Variants in HSD17B3 observed in about 807,000 individuals in gnomAD.
The protein encoded by HSD17B3 is 17-beta-hydroxysteroid dehydrogenase type 3.
In HSD17B3, 29 loss-of-function variants were observed where a neutral mutation model predicts 41.1. That is an observed-to-expected ratio of 0.71 (90% CI 0.53 to 0.96). The LOEUF (loss-of-function observed/expected upper bound fraction) is 0.96. Among genes scored for constraint, HSD17B3 ranks in the 40% least tolerant of loss-of-function variants. The probability of loss-of-function intolerance (pLI) is 0.00; values close to 1 mark genes in which losing one functional copy is unlikely to be tolerated. For synonymous variants in HSD17B3, 126 were observed against 145.6 expected, an observed-to-expected ratio of 0.87 and a Z score of 0.97; for missense variants, 323 against 374.6, an observed-to-expected ratio of 0.86 and a Z score of 1.14.
intron 2 of HSD17B3, among the ~76,000 whole-genome samples, chr9:96,296,077 T>G (rs1169819563): frequency 1.3e-5 from 2 of 152,062 alleles, no homozygotes; most frequent in East Asian, 3.9e-4. Context: ...GGTGAAACCC[T>G]GTCAGTACAA....
intron 2 of HSD17B3, among the ~76,000 whole-genome samples, chr9:96,279,895 A>C (rs1021811296): frequency 4.0e-5 from 6 of 151,834 alleles, no homozygotes; most frequent in Admixed American, 3.3e-4. Context: ...TCAGCCTCCC[A>C]AGTAGCTGGG....
chr9:96,274,565 C>A (rs1275119298), intron 2 of HSD17B3, among the ~76,000 whole-genome samples: 1 of 151,938 alleles, frequency 6.6e-6, no homozygotes, highest in East Asian at 1.9e-4. Context: ...TAAAAACAAC[C>A]AAACAGAAAT....
intron 2 of HSD17B3, among the ~76,000 whole-genome samples, chr9:96,259,601 G>GC (rs1825788067): frequency 6.6e-6 from 1 of 152,024 alleles, no homozygotes; most frequent in Non-Finnish European, 1.5e-5. Context: ...CATGCCTGTA[G>GC]CCCCAGCTAC....
At chr9:96,240,962 C>T in intron 9 of HSD17B3, 55 bp from the exon 10 acceptor site, 2 of 1,607,092 alleles carry the variant, frequency 1.2e-6, no homozygotes, top group Non-Finnish European at 1.7e-6. Flanking sequence ...AGGAAGAAGA[C>T]TCAGAAATTA....
chr9:96,298,541 A>G (rs1827451336), intron 1 of HSD17B3, 79 bp from the exon 2 acceptor site: 3 of 1,244,818 alleles, frequency 2.4e-6, no homozygotes, highest in Non-Finnish European at 3.5e-6. Flanking sequence ...TTTTCTCACA[A>G]GCCTAGTCTC....
intron 2 of HSD17B3, chr9:96,256,274 C>T (rs1825653580): frequency 6.6e-6 from 1 of 152,128 alleles, no homozygotes. Flanking sequence ...TGCTAATGTT[C>T]TCTGTATGGT....
Position 96,245,396 on chromosome 9 carries a change from A to AGAAGAAATGTTCAG in HSD17B3, c.541_554dup (p.Gly186Ter). On this transcript the variant is annotated stop_gained and frameshift_variant, in exon 8 of 11. Coordinates refer to ENST00000375263, the MANE Select transcript of HSD17B3 (RefSeq NM_000197.2). LOFTEE classifies it high-confidence loss of function. ...GAGGCCAAGGAAACAGGGCTATCCC[A>AGAAGAAATGTTCAG]GAAGAAATGTTCAGGATGAGACCTT... 1 of 1,614,170 alleles carries AGAAGAAATGTTCAG rather than the reference A, an allele frequency of 6.2e-7. No homozygotes were observed.
Position 96,235,596 on chromosome 9 carries a change from T to TG in HSD17B3, c.823-27dup, listed in dbSNP as rs35918093. 2.5e-6 allele frequency: 4 copies of TG among 1,585,916 alleles called. No individual in the cohort carries two copies. In the African/African-American group the frequency reaches 5.4e-5, roughly 21 times the overall value. On this transcript the variant is annotated intron_variant, in intron 10 of 10. Transcript: ENST00000375263. ...CTTAAACAGAGAGAAGCATCAGTGT[T>TG]GGGGAGGAAGGAATAACAAGTACCT...
rs774389714 is a variant in HSD17B3, at chr9:96,240,888, A to G, written c.692T>C (p.Val231Ala). ...TAGATACTTTGTCATTGCAGTCGAG[A>G]CAGCATATGGGGTCAGCACCTACAA... is the stretch of plus-strand genomic sequence containing the variant. ...VIIQVLTPYA[V>A]STAMTKYLNT... is the part of the protein sequence containing the mutation. Residue 231 changes from valine to alanine, a missense_variant, in exon 10 of 11, where the codon GTC becomes GCC. Transcript: ENST00000375263. 6 of 1,614,190 alleles carry G rather than the reference A, an allele frequency of 3.7e-6. No homozygotes were observed. Among genetic ancestry groups the G allele is most frequent in the Non-Finnish European group, 4.2e-6 (5 of 1,180,040 alleles).
chr9:96,236,244 T>C (rs1455725083), intron 10 of HSD17B3, among the ~76,000 whole-genome samples: 2 of 151,398 alleles, frequency 1.3e-5, no homozygotes, highest in Non-Finnish European at 2.9e-5. Context: ...GGGCCAGGCA[T>C]GGTGGCTCAC....
At chr9:96,291,899 G>A (rs934303188) in intron 2 of HSD17B3, among the ~76,000 whole-genome samples, 5 of 152,032 alleles carry the variant, frequency 3.3e-5, no homozygotes, top group Non-Finnish European at 1.5e-5. Context: ...AGAGGTTGCA[G>A]TGAACCAAGA....
intron 2 of HSD17B3, among the ~76,000 whole-genome samples, chr9:96,269,823 G>C (rs1046873452): frequency 6.0e-5 from 9 of 148,846 alleles, no homozygotes; most frequent in African/African-American, 2.2e-4. Context: ...AGAATCACCT[G>C]AACCCAGGAG....
chr9:96,291,641 C>A lies in HSD17B3; in HGVS notation c.201+6775G>T, dbSNP rs1246912682. Among the ~76,000 whole-genome samples the A allele has an allele frequency of 2.6e-5, 4 of 152,272 alleles. No individual in the cohort carries two copies. In the East Asian group the frequency reaches 7.7e-4, roughly 29 times the overall value. On this transcript the variant is annotated intron_variant, in intron 2 of 10. Transcript: ENST00000375263. Reference sequence around the variant, plus strand: ...GAGATGACACAGACATTAGAATTATCTGACAAGGTTTGGAGCATAAAAATG... The same window carrying A: ...GAGATGACACAGACATTAGAATTATATGACAAGGTTTGGAGCATAAAAATG...
chr9:96,247,257 C>G (rs1406755623), intron 6 of HSD17B3: 1 of 154,350 alleles, frequency 6.5e-6, no homozygotes, highest in Non-Finnish European at 1.4e-5. Context: ...GAGGCAACCC[C>G]ATGGACTGAA....
intron 5 of HSD17B3, 85 bp downstream of exon 5, chr9:96,251,333 G>T (rs893281855): frequency 1.2e-4 from 132 of 1,128,752 alleles, no homozygotes; most frequent in Non-Finnish European, 1.5e-4. Flanking sequence ...CTTCCATCAC[G>T]CCTTCCCAGG....
intron 2 of HSD17B3, among the ~76,000 whole-genome samples, chr9:96,267,594 T>TA (rs1196041133): frequency 6.6e-6 from 1 of 151,984 alleles, no homozygotes; most frequent in African/African-American, 2.4e-5. Flanking sequence ...TTTTTAATTT[T>TA]AAGAAATTGA....
intron 2 of HSD17B3, among the ~76,000 whole-genome samples, chr9:96,283,773 A>G (rs902998426): frequency 6.6e-6 from 1 of 152,132 alleles, no homozygotes; most frequent in Non-Finnish European, 1.5e-5. Context: ...ATAACTAGTT[A>G]TAGAGCTCTA....
At chr9:96,246,228 G>A (rs1836655559) in intron 7 of HSD17B3, among the ~76,000 whole-genome samples, 1 of 152,152 alleles carries the variant, frequency 6.6e-6, no homozygotes, top group East Asian at 1.9e-4. Context: ...ACAAAGAGAT[G>A]GTCTTGATCT....
In HSD17B3 at chr9:96,302,073, A is replaced by C. The variant is rs1827634702; in HGVS notation, c.32T>G (p.Leu11Arg). ...GGCCAGGCACACCAGCAGCCCTGTGAGGATGAAGAACTGTTCCAGGACGTC... is the reference window on the plus strand; with the variant it reads ...GGCCAGGCACACCAGCAGCCCTGTGCGGATGAAGAACTGTTCCAGGACGTC... MGDVLEQFFI[L>R]TGLLVCLACL... Residue 11 changes from leucine to arginine, a missense_variant, in exon 1 of 11, where the codon CTC becomes CGC. Leu to Arg is a moderately radical substitution (Grantham distance 102). Transcript: ENST00000375263. The C allele has an allele frequency of 6.2e-7, 1 of 1,614,000 alleles. No individual in the cohort carries two copies. Among genetic ancestry groups the C allele is most frequent in the African/African-American group, 1.3e-5 (1 of 74,914 alleles).
Sources: allele counts gnomAD v4.1 joint callset (sites outside exome capture counted in the v4.1 genomes callset), GRCh38; gene constraint gnomAD v4.1.1; transcripts MANE v1.5; gene names NCBI Gene and HGNC (gene_info 2026-07-23, HGNC 2026-07-21).